The following MMP16 variants were observed in gnomAD, a reference collection of about 807,000 sequenced individuals.
The protein encoded by MMP16 is matrix metallopeptidase 16.
Under a neutral mutation model 67.8 loss-of-function variants are expected in MMP16, and 12 were observed. The ratio of observed to expected loss-of-function variants is 0.18; its 90% CI spans 0.11 to 0.29. MMP16 has a LOEUF of 0.29. Among genes scored for constraint, MMP16 ranks in the 10% least tolerant of loss-of-function variants. The probability of loss-of-function intolerance (pLI) is 1.00; values close to 1 mark genes in which losing one functional copy is unlikely to be tolerated. For synonymous variants in MMP16, 249 were observed against 255.9 expected (o/e 0.97, Z 0.26); for missense variants, 475 against 765.7 (o/e 0.62, Z 4.48).
chr8:88,126,903 G>T (rs10504849), intron 4 of MMP16, among the ~76,000 whole-genome samples: 56,491 of 151,448 alleles, frequency 0.37, 10,875 homozygotes, highest in East Asian at 0.48. Flanking sequence ...ATAGTTTACT[G>T]CAAAGAGTGG....
At chr8:88,273,216 C>G (rs1334248347) in intron 1 of MMP16, among the ~76,000 whole-genome samples, 2 of 148,662 alleles carry the variant, frequency 1.3e-5, no homozygotes, top group African/African-American at 4.9e-5. Flanking sequence ...TCCTGAGGAG[C>G]TGGGGCTACA....
At chr8:88,298,007 C>T (rs143176502) in intron 1 of MMP16, among the ~76,000 whole-genome samples, 14 of 152,164 alleles carry the variant, frequency 9.2e-5, no homozygotes, top group African/African-American at 3.4e-4. Flanking sequence ...ACTCAGTAAG[C>T]TCAGTTGTGC....
chr8:88,106,989 T>A (rs1809253215), intron 6 of MMP16, among the ~76,000 whole-genome samples: 1 of 151,236 alleles, frequency 6.6e-6, no homozygotes, highest in Admixed American at 6.6e-5. Flanking sequence ...AAAGTATATA[T>A]ACACATAATC....
intron 1 of MMP16, among the ~76,000 whole-genome samples, chr8:88,283,331 G>A (rs552068871): frequency 6.6e-6 from 1 of 152,198 alleles, no homozygotes; most frequent in South Asian, 2.1e-4. Flanking sequence ...ATGAGCATTT[G>A]AGTCAGGCAG....
chr8:88,065,130 C>G (rs914263081), intron 7 of MMP16, among the ~76,000 whole-genome samples: 3 of 152,114 alleles, frequency 2.0e-5, no homozygotes, highest in Non-Finnish European at 4.4e-5. Context: ...AAGACTTTGT[C>G]ACCTGCTGCT....
chr8:88,140,640 T>C (rs1344589540), intron 4 of MMP16, among the ~76,000 whole-genome samples: 1 of 152,174 alleles, frequency 6.6e-6, no homozygotes, highest in East Asian at 1.9e-4. Flanking sequence ...AATGATTTTT[T>C]TGGTGAGATA....
chr8:88,073,571 T>G (rs1176875885), intron 7 of MMP16, among the ~76,000 whole-genome samples: 4 of 152,146 alleles, frequency 2.6e-5, no homozygotes, highest in Non-Finnish European at 5.9e-5. Context: ...CTAAACTGTC[T>G]CTTTTCTTGA....
At chr8:88,285,262 C>A (rs1369280686) in intron 1 of MMP16, among the ~76,000 whole-genome samples, 1 of 152,080 alleles carries the variant, frequency 6.6e-6, no homozygotes, top group African/African-American at 2.4e-5. Context: ...GCCTCAGCCT[C>A]CCGAGTAGCT....
At chr8:88,245,974 A>T (rs1166854651) in intron 1 of MMP16, among the ~76,000 whole-genome samples, 1 of 152,192 alleles carries the variant, frequency 6.6e-6, no homozygotes, top group African/African-American at 2.4e-5. Context: ...TTTCTCTTCT[A>T]AAAGAAATAT....
chr8:88,154,053 A>G (rs62525948), intron 4 of MMP16, among the ~76,000 whole-genome samples: 2 of 146,004 alleles, frequency 1.4e-5, no homozygotes, highest in Admixed American at 6.9e-5. Context: ...AAAAGTGGGC[A>G]AAGGACATGA....
At chr8:88,218,500 A>T (rs1054667586) in intron 1 of MMP16, among the ~76,000 whole-genome samples, 3 of 152,046 alleles carry the variant, frequency 2.0e-5, no homozygotes, top group Non-Finnish European at 1.5e-5. Flanking sequence ...ACACAAGAAA[A>T]ATTGCTAACT....
At chr8:88,129,138 G>C (rs1451072266) in intron 4 of MMP16, among the ~76,000 whole-genome samples, 1 of 151,668 alleles carries the variant, frequency 6.6e-6, no homozygotes, top group Admixed American at 6.6e-5. Context: ...TCTGCACCTG[G>C]ATATATTTAC....
intron 1 of MMP16, among the ~76,000 whole-genome samples, chr8:88,284,337 G>A (rs1239109852): frequency 3.3e-5 from 5 of 152,086 alleles, no homozygotes; most frequent in Admixed American, 2.0e-4. Flanking sequence ...TTAATGTGGT[G>A]CATATCAAAT....
chr8:88,322,270 C>T (rs1811471656), intron 1 of MMP16, among the ~76,000 whole-genome samples: 1 of 152,134 alleles, frequency 6.6e-6, no homozygotes, highest in Admixed American at 6.6e-5. Flanking sequence ...GTGAGCTGAA[C>T]TTGATATTCT....
At chr8:88,326,499 G>C (rs544954312) in intron 1 of MMP16, among the ~76,000 whole-genome samples, 55 of 151,992 alleles carry the variant, frequency 3.6e-4, no homozygotes, top group Middle Eastern at 6.8e-3. Flanking sequence ...TGGATTTCAT[G>C]TCCTCTGTGT....
chr8:88,311,486 G>A (rs1811293718), intron 1 of MMP16, among the ~76,000 whole-genome samples: 1 of 152,148 alleles, frequency 6.6e-6, no homozygotes, highest in South Asian at 2.1e-4. Context: ...TGAGAATCTA[G>A]CTATTTTTTG....
At chr8:88,205,394 A>G (rs1214233845) in intron 1 of MMP16, among the ~76,000 whole-genome samples, 2 of 152,142 alleles carry the variant, frequency 1.3e-5, no homozygotes, top group Non-Finnish European at 2.9e-5. Context: ...GATACCTACA[A>G]TAACCAAGAA....
intron 1 of MMP16, among the ~76,000 whole-genome samples, chr8:88,274,066 C>A (rs1021614207): frequency 6.6e-6 from 1 of 152,028 alleles, no homozygotes; most frequent in Non-Finnish European, 1.5e-5. Flanking sequence ...ATAAAATAAT[C>A]ATTTTGGATA....
rs2118175394 is a variant in MMP16, at chr8:88,038,013, T to C, written c.*3448A>G. 1 of 152,120 alleles carries C rather than the reference T, an allele frequency of 6.6e-6. No homozygotes were observed. Among genetic ancestry groups the C allele is most frequent in the South Asian group, 2.1e-4 (1 of 4,832 alleles). The allele number at this position is 152,120 out of a possible 1,614,324, so 9.4% of individuals were successfully genotyped here. The stretch of plus-strand genomic sequence containing the variant: ...CTAGTAACACTGAACTGACACCTTA[T>C]GTTATTGACCCATGGAAATTTATTC... On this transcript the variant is annotated 3_prime_UTR_variant, in exon 10 of 10. Transcript: ENST00000286614. The surrounding 1 kb of genome is among the most constrained non-coding windows in gnomAD (Gnocchi z 4.1).
Sources: allele counts gnomAD v4.1 joint callset (sites outside exome capture counted in the v4.1 genomes callset), GRCh38; gene constraint gnomAD v4.1.1; non-coding constraint Gnocchi (gnomAD v3.1); transcripts MANE v1.5; gene names NCBI Gene and HGNC (gene_info 2026-07-23, HGNC 2026-07-21).